RBFOX1: variants seen among roughly 807,000 people sequenced by gnomAD.
RBFOX1 encodes the protein RNA binding fox-1 homolog 1.
A neutral mutation model predicts 57.7 loss-of-function variants in RBFOX1; 8 were observed. That is an observed-to-expected ratio of 0.14 (90% CI 0.08 to 0.25). The LOEUF (loss-of-function observed/expected upper bound fraction) is 0.25, where lower values mean the gene tolerates loss of function less well. RBFOX1 is among the 10% of genes least tolerant of loss of function. RBFOX1 has a pLI of 1.00. For synonymous variants in RBFOX1, 326 were observed against 222.4 expected, an observed-to-expected ratio of 1.47 and a Z score of -4.15; for missense variants, 611 against 548.5, an observed-to-expected ratio of 1.11 and a Z score of -1.14.
At chr16:6,296,460 G>A (rs1339904168) in intron 1 of RBFOX1, among the ~76,000 whole-genome samples, 3 of 148,026 alleles carry the variant, frequency 2.0e-5, no homozygotes, top group Admixed American at 6.9e-5. Context: ...TCGCTCTGTC[G>A]CCCAGGCCGG....
intron 1 of RBFOX1, among the ~76,000 whole-genome samples, chr16:6,041,052 C>A (rs1425874584): frequency 6.6e-6 from 1 of 152,142 alleles, no homozygotes; most frequent in Non-Finnish European, 1.5e-5. Flanking sequence ...TCCACCATTA[C>A]AATATCATAG....
At chr16:5,366,490 A>T (rs920515613) in intron 1 of RBFOX1, 3 of 434,136 alleles carry the variant, frequency 6.9e-6, no homozygotes, top group African/African-American at 4.1e-5. Flanking sequence ...AGAATCCTTC[A>T]AGAAACAGGA....
chr16:6,176,119 C>G (rs913266809), intron 1 of RBFOX1, among the ~76,000 whole-genome samples: 7 of 151,892 alleles, frequency 4.6e-5, no homozygotes, highest in South Asian at 2.1e-4. Flanking sequence ...TAATCCCAGC[C>G]CTAAATTACT....
At chr16:5,552,405 G>T (rs568231954) in intron 2 of RBFOX1, among the ~76,000 whole-genome samples, 16 of 152,276 alleles carry the variant, frequency 1.1e-4, no homozygotes, top group African/African-American at 2.6e-4. Flanking sequence ...ACTTCCCAAA[G>T]GTTTCTGTAT....
At chr16:6,349,711 C>A (rs1033873062) in intron 2 of RBFOX1, among the ~76,000 whole-genome samples, 1 of 152,138 alleles carries the variant, frequency 6.6e-6, no homozygotes, top group Non-Finnish European at 1.5e-5. Context: ...AAAATCATGG[C>A]ATTTCCCATG....
At chr16:5,613,225 TC>T (rs1359182280) in intron 3 of RBFOX1, among the ~76,000 whole-genome samples, 1 of 152,114 alleles carries the variant, frequency 6.6e-6, no homozygotes, top group Non-Finnish European at 1.5e-5. Flanking sequence ...CAGAAGAACC[TC>T]CCCACACCCA....
rs74249657 is a variant in RBFOX1, at chr16:6,510,850, C to A, written c.-63-143753C>A. The stretch of plus-strand genomic sequence containing the variant: ...GTAGTGTTGCACCCTTAGTGCTGCA[C>A]CCTTAAAAAAAAAAAAAGGAAAAAA... On this transcript the variant is annotated intron_variant, in intron 2 of 15. Coordinates refer to ENST00000550418, the MANE Select transcript of RBFOX1 (RefSeq NM_018723.4). Among the ~76,000 whole-genome samples, 38 of 149,798 alleles carry A rather than the reference C, an allele frequency of 2.5e-4. No individual in the cohort carries two copies. In the East Asian group the frequency reaches 7.2e-3, roughly 28 times the overall value.
chr16:7,354,261 A>T (rs2097176538), intron 4 of RBFOX1, among the ~76,000 whole-genome samples: 2 of 152,150 alleles, frequency 1.3e-5, no homozygotes, highest in Non-Finnish European at 2.9e-5. Flanking sequence ...GTGAGCCACC[A>T]TGCTTGGCCC....
chr16:5,351,111 G>A (rs1440989304), intron 1 of RBFOX1, among the ~76,000 whole-genome samples: 2 of 152,156 alleles, frequency 1.3e-5, no homozygotes, highest in Non-Finnish European at 2.9e-5. Context: ...CCTTGTTAAG[G>A]ATGTGTCTCC....
chr16:6,585,786 CTTCT>C (rs2097603256), intron 2 of RBFOX1, among the ~76,000 whole-genome samples: 1 of 151,182 alleles, frequency 6.6e-6, no homozygotes, highest in African/African-American at 2.4e-5. Flanking sequence ...TAGTTTTTTT[CTTCT>C]TTCTTTCTCT....
intron 4 of RBFOX1, among the ~76,000 whole-genome samples, chr16:5,940,871 G>A (rs761277941): frequency 1.8e-4 from 27 of 152,178 alleles, no homozygotes; most frequent in African/African-American, 4.3e-4. Context: ...CCAACCCTGC[G>A]TTTACATGTT....
At chr16:5,453,065 A>G (rs2151570776) in intron 1 of RBFOX1, among the ~76,000 whole-genome samples, 1 of 152,234 alleles carries the variant, frequency 6.6e-6, no homozygotes, top group East Asian at 1.9e-4. Context: ...GTCCCTTGCA[A>G]CTTTCTAGCA....
chr16:7,144,568 G>A (rs944311562), intron 4 of RBFOX1, among the ~76,000 whole-genome samples: 4 of 151,830 alleles, frequency 2.6e-5, no homozygotes, highest in African/African-American at 9.7e-5. Flanking sequence ...GGAATTACAT[G>A]CATGAGCTAC....
intron 2 of RBFOX1, among the ~76,000 whole-genome samples, chr16:6,569,882 A>T (rs928874291): frequency 6.6e-6 from 1 of 152,148 alleles, no homozygotes; most frequent in Non-Finnish European, 1.5e-5. Flanking sequence ...CCTTCAATCA[A>T]TTTTAATCCC....
At chr16:7,242,702 C>T (rs1322337928) in intron 4 of RBFOX1, among the ~76,000 whole-genome samples, 3 of 152,184 alleles carry the variant, frequency 2.0e-5, no homozygotes, top group East Asian at 3.9e-4. Flanking sequence ...TTGAAGCAGC[C>T]AGTTGGACCA....
chr16:5,446,536 AC>A (rs372081781), intron 1 of RBFOX1, among the ~76,000 whole-genome samples: 13 of 152,136 alleles, frequency 8.5e-5, no homozygotes, highest in Non-Finnish European at 1.8e-4. Context: ...GGAGATCAAC[AC>A]CCTGTCCTCT....
At chr16:6,134,603 C>G (rs185082902) in intron 1 of RBFOX1, among the ~76,000 whole-genome samples, 9 of 152,052 alleles carry the variant, frequency 5.9e-5, no homozygotes, top group Non-Finnish European at 1.2e-4. Context: ...CTGGGACAGG[C>G]AGTGAGGGGG....
In RBFOX1 at chr16:7,341,963, C is replaced by G. The variant is rs113912272; in HGVS notation, c.28-176184C>G. ...AAGGTGTTGCTTGGCCATTCCTTCT[C>G]TTCTGCTCTTTAATCTGTATTGGCT... On this transcript the variant is annotated intron_variant, in intron 4 of 15. Transcript: ENST00000550418. 1.1e-3 allele frequency among the ~76,000 whole-genome samples: 167 copies of G among 152,140 alleles called. 2 individuals are homozygous for G. The highest frequency in any genetic ancestry group is 3.1e-3 in the South Asian group (15 of 4,818).
At position 7,502,038 on chromosome 16, in the gene RBFOX1, G is replaced by T. The variant is rs116881066; in HGVS notation, c.28-16109G>T. ...GACAGTTCATTGCCCTTGCTTTCTGGCAATCTCTCCTAATTTCATTTCTTC... is the reference window on the plus strand; with the variant it reads ...GACAGTTCATTGCCCTTGCTTTCTGTCAATCTCTCCTAATTTCATTTCTTC... On this transcript the variant is annotated intron_variant, in intron 4 of 15. Coordinates refer to ENST00000550418, the MANE Select transcript of RBFOX1 (RefSeq NM_018723.4). Among the ~76,000 whole-genome samples, 386 of 152,052 alleles carry T rather than the reference G, an allele frequency of 2.5e-3. 2 individuals carry two copies. The highest frequency in any genetic ancestry group is 4.6e-3 in the Non-Finnish European group (311 of 67,994).
Sources: allele counts gnomAD v4.1 joint callset (sites outside exome capture counted in the v4.1 genomes callset), GRCh38; gene constraint gnomAD v4.1.1; transcripts MANE v1.5; gene names NCBI Gene and HGNC (gene_info 2026-07-23, HGNC 2026-07-21).